Variants in CCDC91 observed in about 807,000 individuals in gnomAD.
CCDC91 encodes the protein coiled-coil domain-containing protein 91.
Under a neutral mutation model 63.2 loss-of-function variants are expected in CCDC91, and 48 were observed. The observed-to-expected ratio is 0.76, with a 90% CI of 0.60 to 0.97. The LOEUF (loss-of-function observed/expected upper bound fraction) is 0.97, where lower values mean the gene tolerates loss of function less well. Ranked by LOEUF, CCDC91 falls within the 50% of genes least tolerant of loss-of-function variation. The pLI is 0.00. For missense variants in CCDC91, 500 were observed against 494.6 expected (o/e 1.01, Z -0.10); for synonymous variants, 167 against 165.8 (o/e 1.01, Z -0.06).
intron 7 of CCDC91, among the ~76,000 whole-genome samples, chr12:28,387,666 C>G (rs1945687959): frequency 6.6e-6 from 1 of 152,150 alleles, no homozygotes; most frequent in Non-Finnish European, 1.5e-5. Flanking sequence ...TGAGTTTCTT[C>G]ACTTAGAACA....
chr12:28,470,124 ACAAT>A (rs970112711), intron 11 of CCDC91, among the ~76,000 whole-genome samples: 1 of 152,158 alleles, frequency 6.6e-6, no homozygotes, highest in African/African-American at 2.4e-5. Flanking sequence ...GGCAAAGGAA[ACAAT>A]CAACAAAATG....
At chr12:28,534,560 T>C (rs1198037487) in intron 12 of CCDC91, among the ~76,000 whole-genome samples, 4 of 152,192 alleles carry the variant, frequency 2.6e-5, no homozygotes, top group Non-Finnish European at 4.4e-5. Context: ...TGATTTTTTT[T>C]CCTGTCTACG....
Position 28,218,877 on chromosome 12 carries a change from A to G in CCDC91, c.-15+28236A>G, listed in dbSNP as rs1052388081. On this transcript the variant is annotated intron_variant, in intron 1 of 12. Transcript: ENST00000536442. ...TGTACCATTATTCCTTTATCCATAT[A>G]CTAGTTGATACACATTTGAATTGTT... 2.0e-5 allele frequency among the ~76,000 whole-genome samples: 3 copies of G among 152,170 alleles called. No homozygotes were observed. The East Asian group carries it at 5.8e-4, about 29-fold the overall frequency.
chr12:28,496,320 G>A (rs1231501627), intron 12 of CCDC91, among the ~76,000 whole-genome samples: 3 of 151,542 alleles, frequency 2.0e-5, no homozygotes, highest in Middle Eastern at 3.4e-3. Context: ...TATTATCATC[G>A]TCACGAGCAA....
At chr12:28,358,973 G>A (rs896790486) in intron 6 of CCDC91, among the ~76,000 whole-genome samples, 5 of 152,072 alleles carry the variant, frequency 3.3e-5, no homozygotes, top group South Asian at 2.1e-4. Flanking sequence ...TCGGCTCACC[G>A]CAACCTCCGC....
At chr12:28,224,054 C>T (rs554472345) in intron 1 of CCDC91, among the ~76,000 whole-genome samples, 2 of 152,240 alleles carry the variant, frequency 1.3e-5, no homozygotes, top group South Asian at 4.2e-4. Context: ...AGAATCGTTT[C>T]ATTTTGTGCC....
At chr12:28,480,573 A>G (rs1296816082) in intron 11 of CCDC91, among the ~76,000 whole-genome samples, 2 of 152,068 alleles carry the variant, frequency 1.3e-5, no homozygotes, top group Admixed American at 6.6e-5. Flanking sequence ...ACTAGAACCC[A>G]GCATAACATG....
rs552639493 is a variant in CCDC91, at chr12:28,363,110, A to G, written c.654+595A>G. 2.6e-5 allele frequency among the ~76,000 whole-genome samples: 4 copies of G among 152,248 alleles called. No homozygotes were observed. The South Asian group carries it at 8.3e-4, about 32-fold the overall frequency. On this transcript the variant is annotated intron_variant, in intron 7 of 12. Coordinates refer to ENST00000536442, the MANE Select transcript of CCDC91 (RefSeq NM_018318.5). The stretch of plus-strand genomic sequence containing the variant: ...TTAGATCATTTTTCTTTTACAAGTA[A>G]TTAAGGATGAATATGTTTTTATTGA...
intron 8 of CCDC91, among the ~76,000 whole-genome samples, chr12:28,427,486 G>T (rs1948387683): frequency 6.6e-6 from 1 of 151,886 alleles, no homozygotes; most frequent in African/African-American, 2.4e-5. Context: ...CTAACCCCCC[G>T]ACCCCACCCC....
intron 6 of CCDC91, among the ~76,000 whole-genome samples, chr12:28,308,905 G>A (rs1187437879): frequency 1.3e-5 from 2 of 151,974 alleles, no homozygotes; most frequent in African/African-American, 4.8e-5. Flanking sequence ...GCAGGTAAGA[G>A]TAGTGTTTTA....
chr12:28,368,377 A>G (rs1478585510), intron 7 of CCDC91, among the ~76,000 whole-genome samples: 4 of 152,202 alleles, frequency 2.6e-5, no homozygotes, highest in Non-Finnish European at 5.9e-5. Flanking sequence ...GGCTTATTTT[A>G]TGGCCTAGCC....
At chr12:28,406,548 A>G (rs888405526) in intron 8 of CCDC91, among the ~76,000 whole-genome samples, 1 of 152,024 alleles carries the variant, frequency 6.6e-6, no homozygotes, top group Non-Finnish European at 1.5e-5. Context: ...GTGATTTGCA[A>G]TTGTTTTTAT....
chr12:28,418,764 A>G (rs1947830700), intron 8 of CCDC91, among the ~76,000 whole-genome samples: 1 of 152,122 alleles, frequency 6.6e-6, no homozygotes, highest in African/African-American at 2.4e-5. Context: ...CTTAAATTAA[A>G]TAAAAAGTTT....
chr12:28,215,572 C>T (rs1047357386), intron 1 of CCDC91, among the ~76,000 whole-genome samples: 19 of 152,008 alleles, frequency 1.2e-4, no homozygotes, highest in Non-Finnish European at 2.5e-4. Flanking sequence ...TGGCCTTTAG[C>T]TTACTTCATA....
chr12:28,197,766 T>C (rs989835262), intron 1 of CCDC91, among the ~76,000 whole-genome samples: 2 of 152,132 alleles, frequency 1.3e-5, no homozygotes, highest in Non-Finnish European at 2.9e-5. Context: ...TGAGATGTTA[T>C]CAGTACTTCT....
intron 1 of CCDC91, chr12:28,236,738 CAGATT>C (rs1178582548): frequency 6.6e-6 from 1 of 151,900 alleles, no homozygotes; most frequent in African/African-American, 2.4e-5. Context: ...TTTATGGAAA[CAGATT>C]AGAATTTATT....
intron 12 of CCDC91, among the ~76,000 whole-genome samples, chr12:28,520,035 C>T (rs535358439): frequency 3.9e-5 from 6 of 151,982 alleles, no homozygotes; most frequent in Non-Finnish European, 8.8e-5. Flanking sequence ...ATAAACATAC[C>T]TGTGCATGTG....
At chr12:28,228,790 G>T (rs1448964462) in intron 1 of CCDC91, among the ~76,000 whole-genome samples, 1 of 152,056 alleles carries the variant, frequency 6.6e-6, no homozygotes, top group African/African-American at 2.4e-5. Flanking sequence ...TAGGTTAAAA[G>T]AAATAAATTT....
At chr12:28,281,836 G>A (rs1201465482) in intron 3 of CCDC91, among the ~76,000 whole-genome samples, 1 of 152,042 alleles carries the variant, frequency 6.6e-6, no homozygotes, top group East Asian at 1.9e-4. Flanking sequence ...GACCATTGTT[G>A]CTGAAAGGAC....
Sources: allele counts gnomAD v4.1 joint callset (sites outside exome capture counted in the v4.1 genomes callset), GRCh38; gene constraint gnomAD v4.1.1; transcripts MANE v1.5; gene names NCBI Gene and HGNC (gene_info 2026-07-23, HGNC 2026-07-21).